Variants in TAF3 observed in about 807,000 individuals in gnomAD.
TAF3 encodes the protein transcription initiation factor TFIID subunit 3.
A neutral mutation model predicts 80.6 loss-of-function variants in TAF3; 7 were observed. The ratio of observed to expected loss-of-function variants is 0.09; its 90% CI spans 0.05 to 0.16. The LOEUF is 0.16. Among genes scored for constraint, TAF3 ranks in the 10% least tolerant of loss-of-function variants. The pLI is 1.00. For synonymous variants in TAF3, 444 were observed against 446.1 expected, an observed-to-expected ratio of 1.00 and a Z score of 0.06; for missense variants, 921 against 1,140.2, an observed-to-expected ratio of 0.81 and a Z score of 2.77.
chr10:7,926,085 G>T (rs147584596), intron 2 of TAF3, among the ~76,000 whole-genome samples: 264 of 152,184 alleles, frequency 1.7e-3, no homozygotes, highest in African/African-American at 5.4e-3. Context: ...GGATTTTGTT[G>T]TTTATAAATA....
Position 7,818,866 on chromosome 10 carries a change from T to G in TAF3, c.157T>G (p.Ser53Ala). 1 of 1,498,854 alleles carries G rather than the reference T, an allele frequency of 6.7e-7. No individual in the cohort carries two copies. The highest frequency in any genetic ancestry group is 8.8e-7 in the Non-Finnish European group (1 of 1,134,270). The allele number at this position is 1,498,854 out of a possible 1,614,324, so 92.8% of individuals were successfully genotyped here. Reference protein sequence around the residue: ...QQLGRGCHRYSELYGRTDPIL... With the variant: ...QQLGRGCHRYAELYGRTDPIL... ...GCTGGGCCGGGGCTGCCATCGGTAC[T>G]CTGAGCTCTGTGAGTACCGGGCTGG... The change falls in exon 1 of 7, where the codon TCT (serine) becomes GCT (alanine). Residue 53 changes from serine to alanine, a missense_variant. By Grantham distance (99) the Ser-to-Ala change is moderately conservative. Transcript: ENST00000344293.
At chr10:7,947,933 C>T (rs565461626) in intron 2 of TAF3, among the ~76,000 whole-genome samples, 188 of 152,248 alleles carry the variant, frequency 1.2e-3, no homozygotes, top group Non-Finnish European at 2.2e-3. Context: ...CTGAAATCAC[C>T]CATGTACAGA....
rs149116097 is a variant in TAF3, at chr10:7,841,381, A to G, written c.409+16821A>G. ...CCTGCTTTCCTAGAGCTTACAGTCT[A>G]CTTGGGGAAAGAAGGGCTGGACTCA... is the stretch of plus-strand genomic sequence containing the variant. On this transcript the variant is annotated intron_variant, in intron 2 of 6. Coordinates refer to ENST00000344293, the MANE Select transcript of TAF3 (RefSeq NM_031923.4). 5.7e-3 allele frequency among the ~76,000 whole-genome samples: 870 copies of G among 152,328 alleles called. 7 individuals are homozygous for G. Among genetic ancestry groups the G allele is most frequent in the South Asian group, 0.015 (70 of 4,826 alleles).
intron 2 of TAF3, among the ~76,000 whole-genome samples, chr10:7,938,012 A>G (rs1325726611): frequency 6.6e-6 from 1 of 152,216 alleles, no homozygotes; most frequent in East Asian, 1.9e-4. Flanking sequence ...GATGGTGGCC[A>G]GCTTGTTTAG....
intron 2 of TAF3, among the ~76,000 whole-genome samples, chr10:7,883,599 G>A (rs920346985): frequency 3.3e-5 from 5 of 152,122 alleles, no homozygotes; most frequent in African/African-American, 1.2e-4. Flanking sequence ...ATCCATTGGT[G>A]ATCTTTACTC....
At chr10:7,844,786 TA>T (rs1836953221) in intron 2 of TAF3, among the ~76,000 whole-genome samples, 1 of 152,210 alleles carries the variant, frequency 6.6e-6, no homozygotes, top group South Asian at 2.1e-4. Context: ...CAGCATTATT[TA>T]TGTTCTGCTT....
chr10:7,878,895 C>G (rs1269987790), intron 2 of TAF3, among the ~76,000 whole-genome samples: 1 of 151,850 alleles, frequency 6.6e-6, no homozygotes, highest in African/African-American at 2.4e-5. Flanking sequence ...ACCCAGCTAA[C>G]TTTTGTATTT....
At chr10:7,913,607 G>A (rs1837677959) in intron 2 of TAF3, among the ~76,000 whole-genome samples, 1 of 152,194 alleles carries the variant, frequency 6.6e-6, no homozygotes, top group Non-Finnish European at 1.5e-5. Flanking sequence ...TCTCCAGCTT[G>A]TTGGCATCCT....
At chr10:7,890,160 ACTG>A (rs1475216492) in intron 2 of TAF3, among the ~76,000 whole-genome samples, 1 of 152,130 alleles carries the variant, frequency 6.6e-6, no homozygotes, top group African/African-American at 2.4e-5. Flanking sequence ...TTTTCACCAG[ACTG>A]CAGCCAGCTG....
rs774852729 is a variant in TAF3, at chr10:7,965,247, T to C, written c.1737T>C (p.Phe579=). ...AAACAAAGTATCCCTGGAAGGAATTTCTTAAAGAGGAAGAGGCAGATCCCT... is the reference window on the plus strand; with the variant it reads ...AAACAAAGTATCCCTGGAAGGAATTCCTTAAAGAGGAAGAGGCAGATCCCT... ...GRETKYPWKE[F]LKEEEADPYK... is the part of the protein sequence containing the mutation. The change falls in exon 3 of 7, where the codon TTT becomes TTC. Residue 579 remains phenylalanine (F), a synonymous_variant. Coordinates refer to ENST00000344293, the MANE Select transcript of TAF3 (RefSeq NM_031923.4). The C allele has an allele frequency of 3.7e-6, 6 of 1,608,862 alleles. No homozygotes were observed. The Admixed American group carries it at 1.0e-4, about 27-fold the overall frequency.
intron 2 of TAF3, among the ~76,000 whole-genome samples, chr10:7,889,202 C>T (rs993871774): frequency 4.6e-5 from 7 of 152,186 alleles, no homozygotes; most frequent in African/African-American, 1.2e-4. Flanking sequence ...CCAGCCTTTG[C>T]GTTTTCCTCC....
At chr10:7,957,524 C>A (rs113837510) in intron 2 of TAF3, among the ~76,000 whole-genome samples, 1,667 of 152,164 alleles carry the variant, frequency 0.011, 20 homozygotes, top group Middle Eastern at 0.031. Context: ...TTTCAGAATA[C>A]TCTCAAGATA....
At chr10:7,904,866 T>C (rs954158888) in intron 2 of TAF3, among the ~76,000 whole-genome samples, 15 of 152,172 alleles carry the variant, frequency 9.9e-5, no homozygotes, top group South Asian at 4.2e-4. Flanking sequence ...CTGGCTGTGC[T>C]CCCTTTAGGC....
At chr10:7,957,792 G>GCT (rs373350330) in intron 2 of TAF3, among the ~76,000 whole-genome samples, 10,434 of 134,006 alleles carry the variant, frequency 0.078, 495 homozygotes, top group Non-Finnish European at 0.11. Flanking sequence ...TCTCTCTAGC[G>GCT]CGCTCTCTCT....
chr10:7,853,290 T>A (rs1837046913), intron 2 of TAF3, among the ~76,000 whole-genome samples: 1 of 152,208 alleles, frequency 6.6e-6, no homozygotes, highest in African/African-American at 2.4e-5. Context: ...AAATACTATA[T>A]AACTGTGCCT....
intron 2 of TAF3, among the ~76,000 whole-genome samples, chr10:7,887,938 C>T (rs778138246): frequency 3.9e-5 from 6 of 152,060 alleles, no homozygotes; most frequent in Non-Finnish European, 8.8e-5. Flanking sequence ...CAGAATAAGT[C>T]GAGGAACTTT....
At chr10:7,942,685 G>A (rs895590708) in intron 2 of TAF3, among the ~76,000 whole-genome samples, 13 of 152,206 alleles carry the variant, frequency 8.5e-5, no homozygotes, top group Admixed American at 8.5e-4. Context: ...GAAGCGCTGG[G>A]GAATGTGGTG....
rs1291448742 is a variant in TAF3, at chr10:7,950,867, A to T, written c.410-13053A>T. 2.0e-5 allele frequency among the ~76,000 whole-genome samples: 3 copies of T among 152,186 alleles called. No individual in the cohort carries two copies. The East Asian group carries it at 5.8e-4, about 29-fold the overall frequency. ...GTGATTTTGTGTTTAAAATGGCCCC[A>T]AAGCATAGTGCTGAAGTCCTGTCTA... is the stretch of plus-strand genomic sequence containing the variant. On this transcript the variant is annotated intron_variant, in intron 2 of 6. Coordinates refer to ENST00000344293, the MANE Select transcript of TAF3 (RefSeq NM_031923.4).
chr10:7,863,704 T>TACACACACATATATATATACACAC (rs1389263502), intron 2 of TAF3, among the ~76,000 whole-genome samples: 2 of 52,990 alleles, frequency 3.8e-5, no homozygotes, highest in Admixed American at 2.0e-4. Flanking sequence ...TATATATATA[T>TACACACACATATATATATACACAC]ACACATATAT....
Sources: allele counts gnomAD v4.1 joint callset (sites outside exome capture counted in the v4.1 genomes callset), GRCh38; gene constraint gnomAD v4.1.1; transcripts MANE v1.5; gene names NCBI Gene and HGNC (gene_info 2026-07-23, HGNC 2026-07-21).